The following PTK7 variants were observed in gnomAD, a reference collection of about 807,000 sequenced individuals.
PTK7 encodes the protein inactive tyrosine-protein kinase 7.
A neutral mutation model predicts 116.6 loss-of-function variants in PTK7; 39 were observed. The ratio of observed to expected loss-of-function variants is 0.33; its 90% CI spans 0.26 to 0.44. The LOEUF (loss-of-function observed/expected upper bound fraction) is 0.44, where lower values mean the gene tolerates loss of function less well. Ranked by LOEUF, PTK7 falls within the 20% of genes least tolerant of loss-of-function variation. PTK7 has a pLI of 1.00. For missense variants in PTK7, 1,169 were observed against 1,425.6 expected (o/e 0.82, Z 2.90); for synonymous variants, 546 against 563.6 (o/e 0.97, Z 0.44).
intron 17 of PTK7, among the ~76,000 whole-genome samples, chr6:43,151,542 T>G (rs867606418): frequency 0.022 from 3,242 of 145,056 alleles, 129 homozygotes; most frequent in African/African-American, 0.077. Flanking sequence ...TTGTTTTTTT[T>G]TTTTTTCGGA....
intron 1 of PTK7, among the ~76,000 whole-genome samples, chr6:43,103,981 CTTT>C (rs1424562606): frequency 1.3e-5 from 2 of 152,318 alleles, no homozygotes; most frequent in East Asian, 3.9e-4. Context: ...TGTGCAAACA[CTTT>C]TTCTTCTTCG....
intron 1 of PTK7, among the ~76,000 whole-genome samples, chr6:43,113,838 A>C (rs1049261915): frequency 3.9e-5 from 6 of 152,210 alleles, no homozygotes; most frequent in African/African-American, 1.2e-4. Context: ...CTTCCTGGTG[A>C]ATTATTTACC....
At chr6:43,151,929 C>T (rs185264338) in intron 17 of PTK7, among the ~76,000 whole-genome samples, 3 of 148,488 alleles carry the variant, frequency 2.0e-5, no homozygotes, top group African/African-American at 7.5e-5. Context: ...ACTGCAAGCT[C>T]CGCCTCCCGG....
At chr6:43,116,651 T>TGTGTGTGCGCGCGCGC (rs1323606377) in intron 1 of PTK7, among the ~76,000 whole-genome samples, 4 of 77,278 alleles carry the variant, frequency 5.2e-5, no homozygotes, top group African/African-American at 1.9e-4. Flanking sequence ...TGTGTGTGTG[T>TGTGTGTGCGCGCGCGC]GCGCGCGCAC....
Position 43,129,019 on chromosome 6 carries a change from A to G in PTK7, c.122A>G (p.Gln41Arg). The G allele has an allele frequency of 6.2e-7, 1 of 1,613,704 alleles. No homozygotes were observed. The highest frequency in any genetic ancestry group is 8.5e-7 in the Non-Finnish European group (1 of 1,179,730). ...AIVFIKQPSS[Q>R]DALQGRRALL... Reference sequence around the variant, plus strand: ...GTCTTCATCAAGCAGCCGTCCTCCCAGGATGCACTGCAGGGGCGCCGGGCG... The same window carrying G: ...GTCTTCATCAAGCAGCCGTCCTCCCGGGATGCACTGCAGGGGCGCCGGGCG... The change falls in exon 2 of 20, where the codon CAG becomes CGG. Residue 41 changes from glutamine to arginine, a missense_variant. Transcript: ENST00000230419. This position sits in a 1 kb window ranked among gnomAD's most constrained non-coding sequence, Gnocchi z 4.5.
intron 1 of PTK7, among the ~76,000 whole-genome samples, chr6:43,121,459 C>A (rs1208633793): frequency 6.6e-6 from 1 of 152,234 alleles, no homozygotes; most frequent in Non-Finnish European, 1.5e-5. Context: ...TGGCTCTGCT[C>A]CCTCTTGCTC....
At chr6:43,101,962 G>A (rs953458923) in intron 1 of PTK7, among the ~76,000 whole-genome samples, 5 of 152,080 alleles carry the variant, frequency 3.3e-5, no homozygotes, top group South Asian at 2.1e-4. Flanking sequence ...TTGGGAGGCC[G>A]AGGCGGGCAG....
chr6:43,077,599 G>T (rs1282886087), intron 1 of PTK7, among the ~76,000 whole-genome samples: 1 of 152,054 alleles, frequency 6.6e-6, no homozygotes, highest in African/African-American at 2.4e-5. Context: ...ATCCCAAATA[G>T]CCCGGACTGG....
chr6:43,080,188 T>C (rs1008829713), intron 1 of PTK7, among the ~76,000 whole-genome samples: 16 of 150,764 alleles, frequency 1.1e-4, no homozygotes, highest in African/African-American at 3.7e-4. Flanking sequence ...CCATCTCTAC[T>C]AAAAATACAA....
At position 43,146,683 on chromosome 6, in the gene PTK7, C is replaced by G; in HGVS notation, c.2706C>G (p.Leu902=). ...SKDEKLKSQP[L]STKQKVALCT... ...ATGAAAAATTGAAGTCACAGCCCCT[C>G]AGCACCAAGCAGAAGGTGAGGACAG... is the stretch of plus-strand genomic sequence containing the variant. Residue 902 remains leucine, a synonymous_variant, in exon 17 of 20, where the codon CTC becomes CTG. Coordinates refer to ENST00000230419, the MANE Select transcript of PTK7 (RefSeq NM_002821.5). 1 of 1,612,790 alleles carries G rather than the reference C, an allele frequency of 6.2e-7. No individual in the cohort carries two copies.
chr6:43,095,312 C>G (rs1056860764), intron 1 of PTK7, among the ~76,000 whole-genome samples: 9 of 151,892 alleles, frequency 5.9e-5, no homozygotes, highest in African/African-American at 1.9e-4. Context: ...GCGGAGGTTG[C>G]AGTGAGCCAA....
intron 10 of PTK7, among the ~76,000 whole-genome samples, chr6:43,140,019 C>T (rs1582182253): frequency 6.6e-6 from 1 of 152,160 alleles, no homozygotes; most frequent in Admixed American, 6.6e-5. Context: ...GAGGCTGAAG[C>T]AGGAGAATCG....
At chr6:43,158,743 C>T in intron 17 of PTK7, 74 bp from the exon 18 acceptor site, 4 of 1,500,348 alleles carry the variant, frequency 2.7e-6, no homozygotes, top group African/African-American at 1.4e-5. Context: ...GAAACGCTAC[C>T]AAGGGTTGTG....
At chr6:43,105,450 C>A (rs1163639517) in intron 1 of PTK7, among the ~76,000 whole-genome samples, 1,276 of 92,530 alleles carry the variant, frequency 0.014, no homozygotes, top group South Asian at 0.016. Context: ...AACTGTATAG[C>A]AAAAAAAAAA....
chr6:43,103,593 G>C (rs1229661602), intron 1 of PTK7, among the ~76,000 whole-genome samples: 2 of 152,176 alleles, frequency 1.3e-5, no homozygotes, highest in Non-Finnish European at 2.9e-5. Context: ...CCACCTTGGG[G>C]CTGATGGAAG....
Position 43,130,111 on chromosome 6 carries a change from C to T in PTK7, c.471-119C>T, listed in dbSNP as rs1463244522. 9 of 1,113,752 alleles carry T rather than the reference C, an allele frequency of 8.1e-6. No homozygotes were observed. The East Asian group carries it at 1.9e-4, about 24-fold the overall frequency. 69.0% of individuals were successfully genotyped at this position (1,113,752 alleles called of 1,614,324 possible). ...GCCCTTTTGCAAGTCCCTTCCCTTC[C>T]TCAGGCCGTTTCTCCATGTATAAAC... On this transcript the variant is annotated intron_variant, in intron 3 of 19. Coordinates refer to ENST00000230419, the MANE Select transcript of PTK7 (RefSeq NM_002821.5).
chr6:43,118,619 ACC>A (rs1561956091), intron 1 of PTK7, among the ~76,000 whole-genome samples: 2 of 43,932 alleles, frequency 4.6e-5, no homozygotes, highest in Non-Finnish European at 9.6e-5. Context: ...GAATATTTTA[ACC>A]TCTCTCTCTC....
chr6:43,115,033 A>C (rs1768426689), intron 1 of PTK7, among the ~76,000 whole-genome samples: 1 of 137,864 alleles, frequency 7.3e-6, no homozygotes, highest in African/African-American at 2.7e-5. Flanking sequence ...CAAGAGCTAG[A>C]CTTTGTCTCA....
chr6:43,152,597 G>A (rs1437656890), intron 17 of PTK7, among the ~76,000 whole-genome samples: 1 of 152,216 alleles, frequency 6.6e-6, no homozygotes, highest in Non-Finnish European at 1.5e-5. Context: ...GCCTGTTAGA[G>A]CCTCAGGCAG....
Sources: allele counts gnomAD v4.1 joint callset (sites outside exome capture counted in the v4.1 genomes callset), GRCh38; gene constraint gnomAD v4.1.1; non-coding constraint Gnocchi (gnomAD v3.1); transcripts MANE v1.5; gene names NCBI Gene and HGNC (gene_info 2026-07-23, HGNC 2026-07-21).